The following RAB11A variants were observed in gnomAD, a reference collection of about 807,000 sequenced individuals.
RAB11A encodes the protein ras-related protein Rab-11A.
RAB11A carries 9 observed loss-of-function variants against 28.0 expected under a neutral mutation model. The ratio of observed to expected loss-of-function variants is 0.32; its 90% CI spans 0.19 to 0.56. RAB11A has a LOEUF of 0.56. RAB11A is among the 20% of genes least tolerant of loss of function. The pLI is 0.91. For missense variants in RAB11A, 108 were observed against 269.6 expected (o/e 0.40, Z 4.20); for synonymous variants, 85 against 88.2 (o/e 0.96, Z 0.20).
intron 1 of RAB11A, 85 bp downstream of exon 1, chr15:65,869,710 T>G: frequency 7.1e-7 from 1 of 1,409,100 alleles, no homozygotes; most frequent in East Asian, 2.3e-5. Flanking sequence ...CGGCCACCCC[T>G]GCACTGATAT....
At chr15:65,880,361 T>C (rs1456986938) in intron 4 of RAB11A, among the ~76,000 whole-genome samples, 2 of 152,214 alleles carry the variant, frequency 1.3e-5, no homozygotes, top group East Asian at 3.8e-4. Flanking sequence ...TGTTCACTCA[T>C]ATTTATCCTG....
chr15:65,873,029 G>C (rs185326434), intron 1 of RAB11A, among the ~76,000 whole-genome samples: 83 of 152,316 alleles, frequency 5.4e-4, no homozygotes, highest in Non-Finnish European at 7.8e-4. Context: ...AATAGGGGAT[G>C]GAGTGGTCTA....
rs77317331 is a variant in RAB11A at position 65,888,816 on chromosome 15, C to T, written c.*976C>T. On this transcript the variant is annotated 3_prime_UTR_variant, in exon 5 of 5. Coordinates refer to ENST00000261890, the MANE Select transcript of RAB11A (RefSeq NM_004663.5). The stretch of plus-strand genomic sequence containing the variant: ...TAACAATGCTAATATTTGAGTTTTG[C>T]AGTATATTATAGAATATAGTCCAGT... 11,092 of 152,412 alleles carry T rather than the reference C, an allele frequency of 0.073. 519 individuals are homozygous for T. Among genetic ancestry groups the T allele is most frequent in the Non-Finnish European group, 0.099 (6,738 of 67,986 alleles). 9.4% of individuals were successfully genotyped at this position (152,412 alleles called of 1,614,324 possible).
At position 65,888,817 on chromosome 15, in the gene RAB11A, A is replaced by G. The variant is rs1256514894; in HGVS notation, c.*977A>G. 1 of 152,536 alleles carries G rather than the reference A, an allele frequency of 6.6e-6. No individual in the cohort carries two copies. Among genetic ancestry groups the G allele is most frequent in the African/African-American group, 2.4e-5 (1 of 41,440 alleles). The allele number at this position is 152,536 out of a possible 1,614,324, so 9.4% of individuals were successfully genotyped here. ...AACAATGCTAATATTTGAGTTTTGC[A>G]GTATATTATAGAATATAGTCCAGTT... On this transcript the variant is annotated 3_prime_UTR_variant, in exon 5 of 5. Transcript: ENST00000261890.
Position 65,877,868 on chromosome 15 carries a change from A to G in RAB11A, c.343A>G (p.Ser115Gly). The change falls in exon 3 of 5, where the codon AGT (serine) becomes GGT (glycine). Residue 115 changes from serine to glycine, a missense_variant. Physicochemically the swap from Ser to Gly is moderately conservative, Grantham distance 56. Around this residue, in one of 2 missense-constraint regions of RAB11A, gnomAD observed 85 missense variants for 145.9 expected, o/e 0.58. Transcript: ENST00000261890. This position sits in a 1 kb window ranked among gnomAD's most constrained non-coding sequence, Gnocchi z 4.1. ...GAAAGAACTGAGAGATCATGCTGAT[A>G]GTAACATTGTTATCATGCTTGTGGG... ...WLKELRDHAD[S>G]NIVIMLVGNK... The G allele has an allele frequency of 6.2e-7, 1 of 1,613,194 alleles. No homozygotes were observed. Among genetic ancestry groups the G allele is most frequent in the Non-Finnish European group, 8.5e-7 (1 of 1,179,098 alleles).
At chr15:65,874,828 T>C (rs2141101824) in intron 1 of RAB11A, among the ~76,000 whole-genome samples, 2 of 152,094 alleles carry the variant, frequency 1.3e-5, no homozygotes, top group Middle Eastern at 3.4e-3. Flanking sequence ...AGTGGATCTT[T>C]TGAGCCCTGG....
intron 1 of RAB11A, 89 bp downstream of exon 1, chr15:65,869,714 C>T: frequency 7.4e-7 from 1 of 1,347,916 alleles, no homozygotes; most frequent in Non-Finnish European, 1.0e-6. Flanking sequence ...CACCCCTGCA[C>T]TGATATAGGC....
rs1263899409 is a variant in RAB11A at position 65,877,589 on chromosome 15, T to C, written c.236+62T>C. On this transcript the variant is annotated intron_variant, in intron 2 of 4. Coordinates refer to ENST00000261890, the MANE Select transcript of RAB11A (RefSeq NM_004663.5). The surrounding 1 kb of genome is among the most constrained non-coding windows in gnomAD (Gnocchi z 4.1). ...TGCCATCGAGTGAATTAGCTGACTTTTGGTATTGGAAAAAGAACTGTTGTT... is the reference window on the plus strand; with the variant it reads ...TGCCATCGAGTGAATTAGCTGACTTCTGGTATTGGAAAAAGAACTGTTGTT... 8.0e-6 allele frequency: 12 copies of C among 1,501,038 alleles called. No individual in the cohort carries two copies. Among genetic ancestry groups the C allele is most frequent in the African/African-American group, 1.4e-5 (1 of 70,962 alleles). The allele number at this position is 1,501,038 out of a possible 1,614,324, so 93.0% of individuals were successfully genotyped here.
rs2078290049 is a variant in RAB11A at position 65,890,966 on chromosome 15, C to T, written c.*3126C>T. 2 of 152,190 alleles carry T rather than the reference C, an allele frequency of 1.3e-5. No homozygotes were observed. Among genetic ancestry groups the T allele is most frequent in the African/African-American group, 2.4e-5 (1 of 41,440 alleles). The allele number at this position is 152,190 out of a possible 1,614,324, so 9.4% of individuals were successfully genotyped here. On this transcript the variant is annotated 3_prime_UTR_variant, in exon 5 of 5. Coordinates refer to ENST00000261890, the MANE Select transcript of RAB11A (RefSeq NM_004663.5). ...GAATTTTGTAAAAGGTTATGTATGA[C>T]TTCCATTTGCTCTGTAAAAAAATGA...
In RAB11A at chr15:65,890,645, A is replaced by T. The variant is rs1174858465; in HGVS notation, c.*2805A>T. On this transcript the variant is annotated 3_prime_UTR_variant, in exon 5 of 5. Coordinates refer to ENST00000261890, the MANE Select transcript of RAB11A (RefSeq NM_004663.5). ...CATTTCTTTGATCATTGAAAAAATGAATATCTTAATTTTTGTCTTTGCTGA... is the reference window on the plus strand; with the variant it reads ...CATTTCTTTGATCATTGAAAAAATGTATATCTTAATTTTTGTCTTTGCTGA... The T allele has an allele frequency of 6.6e-6, 1 of 152,210 alleles. No homozygotes were observed. Among genetic ancestry groups the T allele is most frequent in the Non-Finnish European group, 1.5e-5 (1 of 68,042 alleles). The allele number at this position is 152,210 out of a possible 1,614,324, so 9.4% of individuals were successfully genotyped here. A position where few individuals can be genotyped will look rare whatever the true frequency, so the allele number is the denominator to read the frequency against.
intron 1 of RAB11A, among the ~76,000 whole-genome samples, chr15:65,875,459 T>C (rs1376651951): frequency 1.3e-5 from 2 of 152,218 alleles, no homozygotes; most frequent in African/African-American, 4.8e-5. Flanking sequence ...GTATATCAAC[T>C]AACCATCCTA....
intron 1 of RAB11A, among the ~76,000 whole-genome samples, chr15:65,876,276 C>T (rs1006799048): frequency 2.6e-5 from 4 of 151,674 alleles, no homozygotes; most frequent in African/African-American, 7.3e-5. Flanking sequence ...AAGTATATGC[C>T]CTCCTTGCTT....
intron 1 of RAB11A, among the ~76,000 whole-genome samples, chr15:65,874,331 C>T (rs2078179679): frequency 6.6e-6 from 1 of 152,006 alleles, no homozygotes; most frequent in African/African-American, 2.4e-5. Flanking sequence ...CAACCTCCGC[C>T]TCCCGCTTCA....
In RAB11A at chr15:65,880,770, C is replaced by T. The variant is rs114236099; in HGVS notation, c.511+1019C>T. On this transcript the variant is annotated intron_variant, in intron 4 of 4. Transcript: ENST00000261890. ...TAGTTGTACAATCTTAGGCAAGTTA[C>T]CTAACCCTTTTAGGCCTTAATTTCT... 2.5e-3 allele frequency among the ~76,000 whole-genome samples: 387 copies of T among 152,290 alleles called. 1 individual carries two copies. The highest frequency in any genetic ancestry group is 6.8e-3 in the Middle Eastern group (2 of 294).
chr15:65,870,256 G>A (rs1391828694), intron 1 of RAB11A, among the ~76,000 whole-genome samples: 1 of 152,204 alleles, frequency 6.6e-6, no homozygotes, highest in Non-Finnish European at 1.5e-5. Flanking sequence ...GGTTCTCGCG[G>A]TCCTTAACCT....
At position 65,879,721 on chromosome 15, in the gene RAB11A, G is replaced by A; in HGVS notation, c.481G>A (p.Val161Ile). Residue 161 changes from valine (V) to isoleucine (I), a missense_variant, in exon 4 of 5, where the codon GTA (valine) becomes ATA (isoleucine). Coordinates refer to ENST00000261890, the MANE Select transcript of RAB11A (RefSeq NM_004663.5). ...IETSALDSTN[V>I]EAAFQTILTE... Reference sequence around the variant, plus strand: ...AACTTCGGCCCTAGACTCTACAAATGTAGAAGCTGCTTTTCAGACAATTTT... The same window carrying A: ...AACTTCGGCCCTAGACTCTACAAATATAGAAGCTGCTTTTCAGACAATTTT... 6.3e-7 allele frequency: 1 copy of A among 1,595,474 alleles called. No homozygotes were observed. The highest frequency in any genetic ancestry group is 8.6e-7 in the Non-Finnish European group (1 of 1,163,870).
chr15:65,887,214 T>C (rs192299749), intron 4 of RAB11A, among the ~76,000 whole-genome samples: 231 of 151,846 alleles, frequency 1.5e-3, no homozygotes, highest in African/African-American at 5.2e-3. Context: ...TGCTCTGTTG[T>C]CTAGGCTGGA....
In RAB11A at chr15:65,891,352, TAAAG is replaced by T. The variant is rs1567141511; in HGVS notation, c.*3519_*3522del. On this transcript the variant is annotated 3_prime_UTR_variant, in exon 5 of 5. Coordinates refer to ENST00000261890, the MANE Select transcript of RAB11A (RefSeq NM_004663.5). ...TTCTCCTGAAAAGTGAATTGGAGAATAAAGAAAGAATATTTGAAAGGATGTTGTG... is the reference window on the plus strand; with the variant it reads ...TTCTCCTGAAAAGTGAATTGGAGAATAAAGAATATTTGAAAGGATGTTGTG... The T allele has an allele frequency of 6.6e-6, 1 of 152,200 alleles. No homozygotes were observed. Among genetic ancestry groups the T allele is most frequent in the South Asian group, 2.1e-4 (1 of 4,838 alleles). 9.4% of individuals were successfully genotyped at this position (152,200 alleles called of 1,614,324 possible).
intron 1 of RAB11A, among the ~76,000 whole-genome samples, chr15:65,872,049 C>T (rs747456113): frequency 1.9e-4 from 29 of 150,768 alleles, no homozygotes; most frequent in Admixed American, 6.6e-5. Context: ...CCCCCGACCT[C>T]AGCCTCCCTA....
Sources: gnomAD v4.1 joint callset for allele counts (sites outside exome capture counted in the v4.1 genomes callset) on GRCh38, gnomAD v4.1.1 for gene constraint, gnomAD v4.1.1 regional missense constraint, Gnocchi (gnomAD v3.1) non-coding constraint, MANE v1.5 for transcripts, NCBI Gene and HGNC (gene_info 2026-07-23, HGNC 2026-07-21) for gene names.